Variants in KANK1 observed in about 807,000 individuals in gnomAD.
KANK1 encodes the protein KN motif and ankyrin repeat domain-containing protein 1.
In KANK1, 109 loss-of-function variants were observed where a neutral mutation model predicts 106.2. The observed-to-expected ratio is 1.03, with a 90% CI of 0.88 to 1.20. The LOEUF is 1.20. Among genes scored for constraint, KANK1 ranks in the 50% most tolerant of loss-of-function variants. The pLI, the probability that KANK1 is intolerant of heterozygous loss-of-function variation, is 0.00. For synonymous variants in KANK1, 873 were observed against 652.2 expected (o/e 1.34, Z -5.16); for missense variants, 2,399 against 1,710.7 (o/e 1.40, Z -7.10).
At chr9:695,610 G>A (rs1370506014) in intron 2 of KANK1, among the ~76,000 whole-genome samples, 1 of 147,806 alleles carries the variant, frequency 6.8e-6, no homozygotes, top group Non-Finnish European at 1.5e-5. Flanking sequence ...TGACTTCGTG[G>A]GGGGGGGGGC....
chr9:673,287 C>T (rs529228449), intron 1 of KANK1, among the ~76,000 whole-genome samples: 5 of 149,762 alleles, frequency 3.3e-5, no homozygotes, highest in African/African-American at 1.2e-4. Context: ...CTCGGCTCAC[C>T]GCAACCTCTG....
chr9:518,591 T>C (rs913554931), intron 1 of KANK1, among the ~76,000 whole-genome samples: 2 of 151,740 alleles, frequency 1.3e-5, no homozygotes, highest in South Asian at 2.1e-4. Context: ...ATATTGATAT[T>C]GTCATTCCGT....
intron 1 of KANK1, among the ~76,000 whole-genome samples, chr9:667,423 C>A (rs1339953768): frequency 6.6e-6 from 1 of 151,666 alleles, no homozygotes; most frequent in East Asian, 1.9e-4. Flanking sequence ...TTGCTCTGAT[C>A]TTTATTATTT....
At chr9:611,776 C>T (rs937649367) in intron 1 of KANK1, among the ~76,000 whole-genome samples, 3 of 152,064 alleles carry the variant, frequency 2.0e-5, no homozygotes, top group Non-Finnish European at 2.9e-5. Flanking sequence ...TGGAGTGCAG[C>T]GGTGCAGTCT....
At chr9:723,924 T>C (rs1830009496) in intron 3 of KANK1, among the ~76,000 whole-genome samples, 2 of 138,514 alleles carry the variant, frequency 1.4e-5, no homozygotes, top group Non-Finnish European at 3.1e-5. Context: ...GAAACCCATC[T>C]CTATTAAAAA....
In KANK1 at chr9:745,219, G is replaced by T. The variant is rs201650757; in HGVS notation, c.4043G>T (p.Arg1348Leu). ...AAGACGTCTCCTGGCCCCACCCACC[G>T]AGGTTCATTTGATTGATTGTATGCA... ...GRKTSPGPTHRGSFD is the reference protein window; with the variant it reads ...GRKTSPGPTHLGSFD Residue 1348 changes from arginine to leucine, a missense_variant, in exon 12 of 12, where the codon CGA becomes CTA. Physicochemically the swap from Arg to Leu is moderately radical, Grantham distance 102. Transcript: ENST00000382297. The T allele has an allele frequency of 1.6e-5, 26 of 1,613,948 alleles. 1 individual carries two copies. In the South Asian group the frequency reaches 2.7e-4, roughly 17 times the overall value.
In KANK1 at chr9:731,217, G is replaced by C. The variant is rs571520878; in HGVS notation, c.2956G>C (p.Asp986His). 2 of 1,612,164 alleles carry C rather than the reference G, an allele frequency of 1.2e-6. No homozygotes were observed. Among genetic ancestry groups the C allele is most frequent in the African/African-American group, 1.3e-5 (1 of 74,984 alleles). ...CATGAAGAAGAAAGATGGTAACAAA[G>C]ATTCAAATGGCGCAAAAAAGAATCT... The part of the protein sequence containing the change: ...SIMKKKDGNK[D>H]SNGAKKNLQF... The change falls in exon 5 of 12, where the codon GAT becomes CAT. Residue 986 changes from aspartate (D) to histidine (H), a missense_variant. Physicochemically the swap from Asp to His is moderately conservative, Grantham distance 81. Coordinates refer to ENST00000382297, the MANE Select transcript of KANK1 (RefSeq NM_015158.5).
chr9:495,109 A>G (rs2058437323), intron 3 of KANK1: 2 of 152,360 alleles, frequency 1.3e-5, no homozygotes, highest in African/African-American at 2.4e-5. Context: ...ACAGCTGACA[A>G]TAAAGCTTTG....
At chr9:632,678 G>A (rs1444849915) in intron 1 of KANK1, among the ~76,000 whole-genome samples, 1 of 152,040 alleles carries the variant, frequency 6.6e-6, no homozygotes, top group African/African-American at 2.4e-5. Flanking sequence ...GATAATGAGA[G>A]TGGTGTTTTG....
At chr9:674,222 G>C (rs1815889747) in intron 1 of KANK1, 1 of 152,082 alleles carries the variant, frequency 6.6e-6, no homozygotes, top group Non-Finnish European at 1.5e-5. Context: ...CCCTTCATCA[G>C]GGAGATTGGA....
At chr9:490,352 A>G (rs2058357944) in intron 3 of KANK1, among the ~76,000 whole-genome samples, 1 of 151,744 alleles carries the variant, frequency 6.6e-6, no homozygotes, top group African/African-American at 2.4e-5. Flanking sequence ...CTAAAATTAA[A>G]AAGAAAAAAA....
rs551271389 is a variant in KANK1 at position 602,112 on chromosome 9, C to G, written c.-83-74778C>G. On this transcript the variant is annotated intron_variant, in intron 1 of 11. Coordinates refer to ENST00000382297, the MANE Select transcript of KANK1 (RefSeq NM_015158.5). ...CACATACCCTGTAGAAAAATAGGTT[C>G]TTTATCAATGGAATAGATTAACTTT... Among the ~76,000 whole-genome samples, 5 of 151,958 alleles carry G rather than the reference C, an allele frequency of 3.3e-5. No individual in the cohort carries two copies. The South Asian group carries it at 1.0e-3, about 31-fold the overall frequency.
Position 569,818 on chromosome 9 carries a change from C to T in KANK1, c.-84+65064C>T, listed in dbSNP as rs568955744. ...AAGTATTTTGTAATCATTTTTCAAA[C>T]AGATTGGGTGTTTTTTTTTTCTCAT... On this transcript the variant is annotated intron_variant, in intron 1 of 11. Transcript: ENST00000382297. Among the ~76,000 whole-genome samples the T allele has an allele frequency of 3.3e-5, 5 of 151,914 alleles. No homozygotes were observed. The South Asian group carries it at 1.0e-3, about 32-fold the overall frequency.
intron 7 of KANK1, chr9:735,636 T>G (rs921080864): frequency 4.1e-5 from 11 of 265,848 alleles, no homozygotes; most frequent in Admixed American, 9.7e-5. Context: ...GTGTAGTATT[T>G]GCATATAAAC....
intron 1 of KANK1, among the ~76,000 whole-genome samples, chr9:597,797 G>A (rs1055309032): frequency 4.0e-5 from 6 of 151,470 alleles, no homozygotes; most frequent in African/African-American, 9.8e-5. Flanking sequence ...CTGGGTAGCT[G>A]GGATTACAGG....
intron 2 of KANK1, among the ~76,000 whole-genome samples, chr9:693,054 A>G (rs1820362922): frequency 6.6e-6 from 1 of 152,074 alleles, no homozygotes; most frequent in Non-Finnish European, 1.5e-5. Flanking sequence ...TTAGGGGAAC[A>G]TACCATTCTT....
rs779232197 is a variant in KANK1, at chr9:738,251, TAGA to T, written c.3334-29_3334-27del. 21 of 1,561,720 alleles carry T rather than the reference TAGA, an allele frequency of 1.3e-5. No individual in the cohort carries two copies. The East Asian group carries it at 2.7e-4, about 20-fold the overall frequency. On this transcript the variant is annotated intron_variant, in intron 7 of 11. Coordinates refer to ENST00000382297, the MANE Select transcript of KANK1 (RefSeq NM_015158.5). Reference sequence around the variant, plus strand: ...AACTAGGTCTCAGAAAGTCTATAAATAGAAGAACTAACGACCACTTGGTGTTTT... The same window carrying T: ...AACTAGGTCTCAGAAAGTCTATAAATAGAACTAACGACCACTTGGTGTTTT...
chr9:629,365 T>A lies in KANK1; in HGVS notation c.-83-47525T>A, dbSNP rs895988302. Among the ~76,000 whole-genome samples the A allele has an allele frequency of 2.0e-5, 3 of 152,286 alleles. No homozygotes were observed. In the East Asian group the frequency reaches 5.8e-4, roughly 29 times the overall value. On this transcript the variant is annotated intron_variant, in intron 1 of 11. Transcript: ENST00000382297. ...ACTCTCTCTCTTCCCCCAGCCACAGTGGCAGCTGCCTAACTTGGTTTCTTG... is the reference window on the plus strand; with the variant it reads ...ACTCTCTCTCTTCCCCCAGCCACAGAGGCAGCTGCCTAACTTGGTTTCTTG...
chr9:472,967 G>A (rs975747521), intron 2 of KANK1, among the ~76,000 whole-genome samples: 7 of 152,216 alleles, frequency 4.6e-5, no homozygotes, highest in African/African-American at 9.7e-5. Context: ...GCAAACAAAC[G>A]GTTGTTATTC....
Sources: gnomAD v4.1 joint callset for allele counts (sites outside exome capture counted in the v4.1 genomes callset) on GRCh38, gnomAD v4.1.1 for gene constraint, MANE v1.5 for transcripts, NCBI Gene and HGNC (gene_info 2026-07-23, HGNC 2026-07-21) for gene names.